The following CDKL1 variants were observed in gnomAD, a reference collection of about 807,000 sequenced individuals.
The protein encoded by CDKL1 is cyclin-dependent kinase-like 1.
A neutral mutation model predicts 42.0 loss-of-function variants in CDKL1; 41 were observed. That is an observed-to-expected ratio of 0.98 (90% CI 0.76 to 1.27). CDKL1 has a LOEUF of 1.27. Among genes scored for constraint, CDKL1 ranks in the 50% most tolerant of loss-of-function variants. The pLI is 0.00. For missense variants in CDKL1, 394 were observed against 428.4 expected (o/e 0.92, Z 0.71); for synonymous variants, 153 against 158.6 (o/e 0.96, Z 0.26).
At chr14:50,380,349 C>A in intron 2 of CDKL1, 1 of 408,136 alleles carries the variant, frequency 2.5e-6, no homozygotes, top group South Asian at 1.8e-5. Context: ...ATAAACTCAA[C>A]CCAACTGTAC....
chr14:50,341,375 T>C, intron 5 of CDKL1, 143 bp from the exon 6 acceptor site: 1 of 1,057,096 alleles, frequency 9.5e-7, no homozygotes, highest in Non-Finnish European at 1.2e-6. Context: ...CACATTCAAA[T>C]CACTTAAATA....
At chr14:50,351,921 A>G (rs2033916935) in intron 3 of CDKL1, among the ~76,000 whole-genome samples, 1 of 152,214 alleles carries the variant, frequency 6.6e-6, no homozygotes, top group Admixed American at 6.5e-5. Context: ...ACATTAATGT[A>G]ACTATTTTGG....
At chr14:50,343,484 T>C (rs1406225099) in intron 4 of CDKL1, among the ~76,000 whole-genome samples, 2 of 152,326 alleles carry the variant, frequency 1.3e-5, no homozygotes, top group Admixed American at 1.3e-4. Context: ...ATCTGGTTCT[T>C]AGCAATTAAC....
chr14:50,383,598 T>C (rs1427590861), intron 2 of CDKL1, among the ~76,000 whole-genome samples: 2 of 151,260 alleles, frequency 1.3e-5, no homozygotes, highest in Admixed American at 6.6e-5. Context: ...CAAAATGCTG[T>C]CCACCTAGAA....
At chr14:50,348,532 T>A (rs1566584110) in intron 3 of CDKL1, among the ~76,000 whole-genome samples, 1 of 152,104 alleles carries the variant, frequency 6.6e-6, no homozygotes, top group Admixed American at 6.5e-5. Flanking sequence ...CTTCCCTCAC[T>A]AGACTCTGGG....
intron 7 of CDKL1, among the ~76,000 whole-genome samples, chr14:50,337,883 G>A (rs965925695): frequency 1.3e-5 from 2 of 151,478 alleles, no homozygotes; most frequent in Non-Finnish European, 2.9e-5. Flanking sequence ...GTTTTGTCTT[G>A]TTGCCCGTGC....
At chr14:50,393,505 C>G (rs2035317021) in intron 2 of CDKL1, among the ~76,000 whole-genome samples, 1 of 152,216 alleles carries the variant, frequency 6.6e-6, no homozygotes, top group African/African-American at 2.4e-5. Flanking sequence ...GTGACAGGGT[C>G]TCACTGTCAC....
At chr14:50,335,627 CAA>C in intron 7 of CDKL1, 4 of 1,529,582 alleles carry the variant, frequency 2.6e-6, no homozygotes, top group Non-Finnish European at 3.5e-6. Context: ...ATACCACTGA[CAA>C]AGGCTAATTG....
At chr14:50,383,427 G>A (rs959943884) in intron 2 of CDKL1, among the ~76,000 whole-genome samples, 1 of 151,854 alleles carries the variant, frequency 6.6e-6, no homozygotes, top group Non-Finnish European at 1.5e-5. Flanking sequence ...ACGTGTGCCT[G>A]TAATCCCAGC....
chr14:50,389,537 C>T (rs1276834649), intron 2 of CDKL1, among the ~76,000 whole-genome samples: 1 of 152,182 alleles, frequency 6.6e-6, no homozygotes, highest in Non-Finnish European at 1.5e-5. Flanking sequence ...ACCTTGTTCT[C>T]ATTATGAATC....
Position 50,328,183 on chromosome 14 carries a change from A to C in CDKL1, c.*1891T>G, listed in dbSNP as rs1032350591. On this transcript the variant is annotated 3_prime_UTR_variant, in exon 10 of 10. Coordinates refer to ENST00000395834, the MANE Select transcript of CDKL1 (RefSeq NM_004196.7). The stretch of plus-strand genomic sequence containing the variant: ...GGCTGAATTATTAGGCTGTTATAGT[A>C]ATCTGCCTCCGTCAAGTGTATTTTC... The C allele has an allele frequency of 1.3e-5, 2 of 152,176 alleles. No individual in the cohort carries two copies. Among genetic ancestry groups the C allele is most frequent in the African/African-American group, 4.8e-5 (2 of 41,430 alleles). 9.4% of individuals were successfully genotyped at this position (152,176 alleles called of 1,614,324 possible). A position where few individuals can be genotyped will look rare whatever the true frequency, so the allele number is the denominator to read the frequency against.
Position 50,348,940 on chromosome 14 carries a change from C to T in CDKL1, c.291-3882G>A, listed in dbSNP as rs1270564758. Among the ~76,000 whole-genome samples, 3 of 152,266 alleles carry T rather than the reference C, an allele frequency of 2.0e-5. No homozygotes were observed. The East Asian group carries it at 5.8e-4, about 29-fold the overall frequency. ...ATGGGAGGACCAGTTCAAGAGTCCA[C>T]ATCCCAATAATAGAGGGTACAGAAA... is the stretch of plus-strand genomic sequence containing the variant. On this transcript the variant is annotated intron_variant, in intron 3 of 9. Transcript: ENST00000395834.
chr14:50,334,323 T>G, intron 8 of CDKL1: 1 of 347,130 alleles, frequency 2.9e-6, no homozygotes, highest in Non-Finnish European at 5.2e-6. Flanking sequence ...CGCCTAATTT[T>G]TTTTATTTTT....
chr14:50,390,104 A>G, intron 2 of CDKL1: 1 of 1,332,742 alleles, frequency 7.5e-7, no homozygotes, highest in Non-Finnish European at 1.0e-6. Flanking sequence ...AGTTTGTCCA[A>G]ATTTACTAGG....
intron 2 of CDKL1, among the ~76,000 whole-genome samples, chr14:50,372,091 G>A (rs2034606260): frequency 6.6e-6 from 1 of 152,182 alleles, no homozygotes; most frequent in Admixed American, 6.5e-5. Context: ...TGTATTATAT[G>A]TTTTGGGTAT....
intron 2 of CDKL1, among the ~76,000 whole-genome samples, chr14:50,373,412 C>A (rs2034641400): frequency 6.6e-6 from 1 of 152,112 alleles, no homozygotes; most frequent in African/African-American, 2.4e-5. Context: ...ATTAGAGAAA[C>A]AACGTGATGC....
In CDKL1 at chr14:50,335,824, C is replaced by A. The variant is rs2033238720; in HGVS notation, c.739-1203G>T. The A allele has an allele frequency of 5.1e-6, 5 of 985,224 alleles. No homozygotes were observed. In the South Asian group the frequency reaches 2.4e-4, roughly 46 times the overall value. The allele number at this position is 985,224 out of a possible 1,614,324, so 61.0% of individuals were successfully genotyped here. On this transcript the variant is annotated intron_variant, in intron 7 of 9. Transcript: ENST00000395834. ...TACAGTATTATTTTGGACAGGCAAC[C>A]AGCTCCCAATAACCAATTCTGGATT... is the stretch of plus-strand genomic sequence containing the variant.
At chr14:50,332,022 G>A (rs1308019749) in intron 9 of CDKL1, 3 of 1,537,172 alleles carry the variant, frequency 2.0e-6, no homozygotes, top group South Asian at 2.4e-5. Flanking sequence ...GCTCATGCAG[G>A]CTGGAAACCC....
At chr14:50,374,903 C>T (rs1440268773) in intron 2 of CDKL1, among the ~76,000 whole-genome samples, 2 of 152,018 alleles carry the variant, frequency 1.3e-5, no homozygotes, top group Non-Finnish European at 2.9e-5. Flanking sequence ...CATATGGACA[C>T]AGGGAGGGGA....
Sources: allele counts gnomAD v4.1 joint callset (sites outside exome capture counted in the v4.1 genomes callset), GRCh38; gene constraint gnomAD v4.1.1; transcripts MANE v1.5; gene names NCBI Gene and HGNC (gene_info 2026-07-23, HGNC 2026-07-21).